Variants in PLA2R1 observed in about 807,000 individuals in gnomAD.
PLA2R1 encodes phospholipase A2 receptor 1.
In PLA2R1, 158 loss-of-function variants were observed where a neutral mutation model predicts 195.9. The observed-to-expected ratio is 0.81, with a 90% confidence interval of 0.71 to 0.92. The LOEUF is 0.92. Among genes scored for constraint, PLA2R1 ranks in the 40% least tolerant of loss-of-function variants. The pLI is 0.00. For synonymous variants in PLA2R1, 586 were observed against 598.2 expected, an observed-to-expected ratio of 0.98 and a Z score of 0.30; for missense variants, 1,626 against 1,764.6, an observed-to-expected ratio of 0.92 and a Z score of 1.41.
At position 160,044,994 on chromosome 2, in the gene PLA2R1, G is replaced by A; in HGVS notation, c.273C>T (p.Gly91=). Reference sequence around the variant, plus strand: ...GCTGCTCTGGGGCGGAGAAATTCAGGCCCAGGCAACCACTGCCTCCTATGT... The same window carrying A: ...GCTGCTCTGGGGCGGAGAAATTCAGACCCAGGCAACCACTGCCTCCTATGT... The part of the protein sequence containing the change: ...LFNIGGSGCL[G]LNFSAPEQPL... The change falls in exon 2 of 30, where the codon GGC becomes GGT. Residue 91 remains glycine (G), a synonymous_variant. Transcript: ENST00000283243. The A allele has an allele frequency of 6.2e-7, 1 of 1,613,810 alleles. No individual in the cohort carries two copies. Among genetic ancestry groups the A allele is most frequent in the South Asian group, 1.1e-5 (1 of 91,078 alleles).
chr2:160,006,970 C>T (rs1692026727), intron 10 of PLA2R1, among the ~76,000 whole-genome samples: 1 of 152,146 alleles, frequency 6.6e-6, no homozygotes, highest in South Asian at 2.1e-4. Flanking sequence ...ATATTATTAG[C>T]AACATTTAGA....
In PLA2R1 at chr2:160,062,534, CT is replaced by C. The variant is rs200754293; in HGVS notation, c.-132del. ...CGTAGCCTCCTCCGCGCCCCACCCC[CT>C]CCGGGGGCCTTGCCAGCCCAGAGCC... On this transcript the variant is annotated 5_prime_UTR_variant, in exon 1 of 30. Coordinates refer to ENST00000283243, the MANE Select transcript of PLA2R1 (RefSeq NM_007366.5). 1 of 1,282,832 alleles carries C rather than the reference CT, an allele frequency of 7.8e-7. No individual in the cohort carries two copies. The highest frequency in any genetic ancestry group is 1.0e-6 in the Non-Finnish European group (1 of 985,278). The allele number at this position is 1,282,832 out of a possible 1,614,324, so 79.5% of individuals were successfully genotyped here. A position where few individuals can be genotyped will look rare whatever the true frequency, so the allele number is the denominator to read the frequency against.
chr2:159,949,197 G>A (rs749612000), intron 25 of PLA2R1, among the ~76,000 whole-genome samples: 1 of 151,906 alleles, frequency 6.6e-6, no homozygotes, highest in Non-Finnish European at 1.5e-5. Context: ...CGCCTAACCT[G>A]CATTCAGGCA....
chr2:160,025,013 G>T (rs1016650098), intron 6 of PLA2R1, among the ~76,000 whole-genome samples: 3 of 152,142 alleles, frequency 2.0e-5, no homozygotes, highest in Non-Finnish European at 4.4e-5. Flanking sequence ...ATCCCCTAGA[G>T]CTTGAGTTGC....
At chr2:159,977,015 A>C (rs1689608278) in intron 15 of PLA2R1, among the ~76,000 whole-genome samples, 1 of 152,208 alleles carries the variant, frequency 6.6e-6, no homozygotes, top group African/African-American at 2.4e-5. Context: ...TTTGCTCTGT[A>C]ATGTCAAAGT....
intron 11 of PLA2R1, among the ~76,000 whole-genome samples, chr2:160,001,618 A>G (rs1691601448): frequency 6.6e-6 from 1 of 152,002 alleles, no homozygotes; most frequent in East Asian, 1.9e-4. Context: ...AAATTTAAAA[A>G]ATGTACTAGG....
At chr2:160,039,537 A>C (rs1270518967) in intron 3 of PLA2R1, among the ~76,000 whole-genome samples, 6 of 152,094 alleles carry the variant, frequency 3.9e-5, no homozygotes, top group African/African-American at 1.4e-4. Flanking sequence ...CCCACATAAG[A>C]AGGATGAGAT....
chr2:160,057,057 G>A (rs961534063), intron 1 of PLA2R1, among the ~76,000 whole-genome samples: 21 of 152,124 alleles, frequency 1.4e-4, no homozygotes, highest in Non-Finnish European at 1.9e-4. Flanking sequence ...CCAGGGGAAG[G>A]CCTTCGACTT....
rs189136402 is a variant in PLA2R1 at position 160,055,854 on chromosome 2, C to T, written c.109+6441G>A. Among the ~76,000 whole-genome samples, 241 of 152,220 alleles carry T rather than the reference C, an allele frequency of 1.6e-3. 2 individuals are homozygous for T. In the Middle Eastern group the frequency reaches 0.054, roughly 34 times the overall value. ...AGAAGCAGTAGAGGGGCATTTTTAC[C>T]TTTGTATTAGAAACAGAAGCTATGC... On this transcript the variant is annotated intron_variant, in intron 1 of 29. Coordinates refer to ENST00000283243, the MANE Select transcript of PLA2R1 (RefSeq NM_007366.5).
At chr2:159,928,681 A>T (rs1303535327), downstream of PLA2R1, among the ~76,000 whole-genome samples, 9 of 152,208 alleles carry the variant, frequency 5.9e-5, no homozygotes, top group African/African-American at 2.2e-4. Context: ...GGAACCAAAA[A>T]AGAACCCACA....
chr2:160,033,111 T>A lies in PLA2R1; in HGVS notation c.689A>T (p.Asp230Val). Residue 230 changes from aspartate to valine, a missense_variant, in exon 4 of 30, where the codon GAT becomes GTT. By Grantham distance (152) the Asp-to-Val change is radical (BLOSUM62 -3). Transcript: ENST00000283243. ...PDPTSAEVGCDTIWEKDLNSH... is the reference protein window; with the variant it reads ...PDPTSAEVGCVTIWEKDLNSH... ...ATTGAGGTCCTTCTCCCAAATAGTATCACAACCTACTTCTGCAGAGGCTGG... is the reference window on the plus strand; with the variant it reads ...ATTGAGGTCCTTCTCCCAAATAGTAACACAACCTACTTCTGCAGAGGCTGG... 6.2e-7 allele frequency: 1 copy of A among 1,612,218 alleles called. No individual in the cohort carries two copies. Among genetic ancestry groups the A allele is most frequent in the South Asian group, 1.1e-5 (1 of 90,572 alleles).
At chr2:159,967,361 T>C (rs530232763) in intron 20 of PLA2R1, among the ~76,000 whole-genome samples, 178 bp downstream of exon 20, 1 of 152,348 alleles carries the variant, frequency 6.6e-6, no homozygotes, top group African/African-American at 2.4e-5. Context: ...AAAAATCTTT[T>C]GTTCCAAAAG....
intron 3 of PLA2R1, among the ~76,000 whole-genome samples, chr2:160,036,235 CAT>C (rs923098370): frequency 6.6e-6 from 1 of 152,214 alleles, no homozygotes; most frequent in Non-Finnish European, 1.5e-5. Context: ...TCACATGTAA[CAT>C]GTGCAAACCT....
chr2:160,033,190 T>C, intron 3 of PLA2R1, 58 bp from the exon 4 acceptor site: 1 of 1,320,188 alleles, frequency 7.6e-7, no homozygotes, highest in Non-Finnish European at 1.1e-6. Context: ...CAGCAACATA[T>C]TTCTAAGGTA....
chr2:160,033,178 T>C (rs1433194714), intron 3 of PLA2R1, 46 bp from the exon 4 acceptor site: 1 of 1,400,702 alleles, frequency 7.1e-7, no homozygotes, highest in Non-Finnish European at 9.9e-7. Flanking sequence ...ATTTTATCTA[T>C]ACAGCAACAT....
At chr2:160,049,563 T>C (rs553009941) in intron 1 of PLA2R1, among the ~76,000 whole-genome samples, 1 of 152,172 alleles carries the variant, frequency 6.6e-6, no homozygotes, top group Non-Finnish European at 1.5e-5. Context: ...ACATTATAAT[T>C]GCATTTAAAA....
intron 1 of PLA2R1, among the ~76,000 whole-genome samples, chr2:160,055,099 G>T (rs1409119188): frequency 1.3e-5 from 2 of 152,176 alleles, no homozygotes; most frequent in Non-Finnish European, 2.9e-5. Flanking sequence ...GCATTGTGTG[G>T]CATCAGTTAC....
intron 17 of PLA2R1, among the ~76,000 whole-genome samples, chr2:159,973,784 G>T (rs1245881881): frequency 1.3e-5 from 2 of 152,102 alleles, no homozygotes; most frequent in Non-Finnish European, 2.9e-5. Flanking sequence ...GCACAGTGGG[G>T]AGATTAGTTA....
chr2:160,028,802 G>T, intron 5 of PLA2R1, 48 bp downstream of exon 5: 2 of 1,059,624 alleles, frequency 1.9e-6, no homozygotes, highest in Non-Finnish European at 3.0e-6. Context: ...CTGTGTAAGG[G>T]TGCAAGATGA....
Sources: gnomAD v4.1 joint callset for allele counts (sites outside exome capture counted in the v4.1 genomes callset) on GRCh38, gnomAD v4.1.1 for gene constraint, MANE v1.5 for transcripts, NCBI Gene and HGNC (gene_info 2026-07-23, HGNC 2026-07-21) for gene names.